Variants in VPS50 observed in about 807,000 individuals in gnomAD.
The protein encoded by VPS50 is syndetin.
A neutral mutation model predicts 139.7 loss-of-function variants in VPS50; 70 were observed. The ratio of observed to expected loss-of-function variants is 0.50; its 90% CI spans 0.41 to 0.61. The LOEUF (loss-of-function observed/expected upper bound fraction) is 0.61, where lower values mean the gene tolerates loss of function less well. Among genes scored for constraint, VPS50 ranks in the 20% least tolerant of loss-of-function variants. The pLI, the probability that VPS50 is intolerant of heterozygous loss-of-function variation, is 0.00. For missense variants in VPS50, 921 were observed against 1,133.7 expected (o/e 0.81, Z 2.69); for synonymous variants, 365 against 376.7 (o/e 0.97, Z 0.36).
intron 22 of VPS50, among the ~76,000 whole-genome samples, chr7:93,339,635 C>T (rs1584485262): frequency 6.6e-6 from 1 of 152,130 alleles, no homozygotes; most frequent in East Asian, 1.9e-4. Context: ...TCTGCCTACT[C>T]ATATGTTCTC....
Position 93,359,686 on chromosome 7 carries a change from G to C in VPS50, c.*1250G>C, listed in dbSNP as rs1798795323. On this transcript the variant is annotated 3_prime_UTR_variant, in exon 28 of 28. Transcript: ENST00000305866. Reference sequence around the variant, plus strand: ...ATCCTAAGGAATCATGTGAGAAACAGGCCTTGGGTCTTATGAGTCTTCTGG... The same window carrying C: ...ATCCTAAGGAATCATGTGAGAAACACGCCTTGGGTCTTATGAGTCTTCTGG... 2 of 152,126 alleles carry C rather than the reference G, an allele frequency of 1.3e-5. No homozygotes were observed. Among genetic ancestry groups the C allele is most frequent in the Admixed American group, 6.6e-5 (1 of 15,244 alleles). The allele number at this position is 152,126 out of a possible 1,614,324, so 9.4% of individuals were successfully genotyped here.
chr7:93,260,857 G>T (rs1318442502), intron 9 of VPS50, among the ~76,000 whole-genome samples: 1 of 152,016 alleles, frequency 6.6e-6, no homozygotes, highest in Admixed American at 6.6e-5. Flanking sequence ...CACCATGCGC[G>T]GCTAATTTTT....
rs769084619 is a variant in VPS50 at position 93,257,445 on chromosome 7, A to T, written c.403A>T (p.Ile135Phe). 1.2e-6 allele frequency: 2 copies of T among 1,600,306 alleles called. No homozygotes were observed. Among genetic ancestry groups the T allele is most frequent in the Admixed American group, 1.7e-5 (1 of 59,752 alleles). The part of the protein sequence containing the change: ...LQTGLQLAAV[I>F]CTNGRRHLNI... ...GACAGGTCTTCAATTAGCTGCTGTT[A>T]TCTGTACAAATGGGAGAAGGTATTG... The change falls in exon 6 of 28, where the codon ATC becomes TTC. Residue 135 changes from isoleucine to phenylalanine, a missense_variant. Ile to Phe is a conservative substitution (Grantham distance 21). Around this residue, in one of 3 missense-constraint regions of VPS50, gnomAD observed 744 missense variants for 930.6 expected, o/e 0.80. Coordinates refer to ENST00000305866, the MANE Select transcript of VPS50 (RefSeq NM_017667.4).
chr7:93,247,067 C>T (rs1311997023), intron 2 of VPS50, among the ~76,000 whole-genome samples: 1 of 151,756 alleles, frequency 6.6e-6, no homozygotes, highest in Non-Finnish European at 1.5e-5. Context: ...TGTACATGTT[C>T]ATGTAGCTTT....
At chr7:93,303,037 C>T (rs1283253672) in intron 16 of VPS50, among the ~76,000 whole-genome samples, 1 of 151,932 alleles carries the variant, frequency 6.6e-6, no homozygotes, top group Non-Finnish European at 1.5e-5. Flanking sequence ...AGGTATGGTT[C>T]AGACCTGTGC....
intron 12 of VPS50, among the ~76,000 whole-genome samples, chr7:93,286,366 A>G (rs1163233488): frequency 6.6e-6 from 1 of 152,186 alleles, no homozygotes; most frequent in Non-Finnish European, 1.5e-5. Context: ...GTATTATGCC[A>G]AATGAGTCTC....
intron 12 of VPS50, among the ~76,000 whole-genome samples, chr7:93,279,657 G>T (rs2116904916): frequency 6.6e-6 from 1 of 152,332 alleles, no homozygotes; most frequent in South Asian, 2.1e-4. Context: ...AAGCAGGAGA[G>T]TCCTCAAAAC....
chr7:93,277,681 T>C (rs1419637239), intron 12 of VPS50, among the ~76,000 whole-genome samples: 3 of 152,198 alleles, frequency 2.0e-5, no homozygotes, highest in East Asian at 1.9e-4. Context: ...TTAAACTAAT[T>C]GTAGAAACCA....
chr7:93,276,308 A>G lies in VPS50; in HGVS notation c.942+3A>G, dbSNP rs1224948881. ...TGCAATATAAGGATCTCTGTACAGT[A>G]TGTAGTGACTTAATTACTATTCATA... On this transcript the variant is annotated splice_donor_region_variant and intron_variant, in intron 12 of 27. Coordinates refer to ENST00000305866, the MANE Select transcript of VPS50 (RefSeq NM_017667.4). 1 of 1,609,860 alleles carries G rather than the reference A, an allele frequency of 6.2e-7. No homozygotes were observed. Among genetic ancestry groups the G allele is most frequent in the Non-Finnish European group, 8.5e-7 (1 of 1,176,982 alleles).
chr7:93,291,689 A>T lies in VPS50; in HGVS notation c.943-14A>T, dbSNP rs746447797. Reference sequence around the variant, plus strand: ...CATAATAATTTGAAAGTTGTCTCTTATCATTTTCTTTAGCATGTTACACCA... The same window carrying T: ...CATAATAATTTGAAAGTTGTCTCTTTTCATTTTCTTTAGCATGTTACACCA... On this transcript the variant is annotated splice_polypyrimidine_tract_variant and intron_variant, in intron 12 of 27. Transcript: ENST00000305866. 1.1e-5 allele frequency: 16 copies of T among 1,444,060 alleles called. No homozygotes were observed. Among genetic ancestry groups the T allele is most frequent in the East Asian group, 2.4e-5 (1 of 41,978 alleles). The allele number at this position is 1,444,060 out of a possible 1,614,324, so 89.5% of individuals were successfully genotyped here.
intron 17 of VPS50, among the ~76,000 whole-genome samples, chr7:93,304,253 T>C (rs1393767281): frequency 6.6e-6 from 1 of 151,822 alleles, no homozygotes; most frequent in Non-Finnish European, 1.5e-5. Flanking sequence ...ATGGTGTGTT[T>C]AGTTTCTGCC....
At chr7:93,357,195 G>C (rs142689100) in intron 27 of VPS50, among the ~76,000 whole-genome samples, 1 of 152,112 alleles carries the variant, frequency 6.6e-6, no homozygotes, top group African/African-American at 2.4e-5. Context: ...CTGAGGAAAG[G>C]GTTTTGGGAA....
At chr7:93,311,515 AAT>A (rs1460156279) in intron 20 of VPS50, among the ~76,000 whole-genome samples, 1 of 152,134 alleles carries the variant, frequency 6.6e-6, no homozygotes, top group Non-Finnish European at 1.5e-5. Flanking sequence ...ATTTTTCTAA[AAT>A]ATTTCAGTTA....
At chr7:93,305,197 G>T (rs1166467638) in intron 17 of VPS50, among the ~76,000 whole-genome samples, 1 of 151,806 alleles carries the variant, frequency 6.6e-6, no homozygotes, top group Non-Finnish European at 1.5e-5. Context: ...AATCCCTTCA[G>T]ACTGCCTCAG....
chr7:93,316,646 G>A (rs1290742019), intron 20 of VPS50, among the ~76,000 whole-genome samples: 1 of 152,176 alleles, frequency 6.6e-6, no homozygotes, highest in Non-Finnish European at 1.5e-5. Flanking sequence ...AAAAAGGGAA[G>A]ATGAGAGGAA....
rs1285083261 is a variant in VPS50, at chr7:93,341,448, G to T, written c.2080G>T (p.Ala694Ser). ...IDLEVSADPTATLTAAEERKE... is the reference protein window; with the variant it reads ...IDLEVSADPTSTLTAAEERKE... ...TCAGGAAGTTTCAGCTGATCCTACTGCCACACTCACAGCAGCAGAAGAAAG... is the reference window on the plus strand; with the variant it reads ...TCAGGAAGTTTCAGCTGATCCTACTTCCACACTCACAGCAGCAGAAGAAAG... The change falls in exon 23 of 28, where the codon GCC (alanine) becomes TCC (serine). Residue 694 changes from alanine to serine, a missense_variant. Ala to Ser is a moderately conservative substitution (Grantham distance 99). Around this residue, in one of 3 missense-constraint regions of VPS50, gnomAD observed 744 missense variants for 930.6 expected, o/e 0.80. Coordinates refer to ENST00000305866, the MANE Select transcript of VPS50 (RefSeq NM_017667.4). The T allele has an allele frequency of 1.2e-6, 2 of 1,611,054 alleles. No homozygotes were observed. The highest frequency in any genetic ancestry group is 1.7e-6 in the Non-Finnish European group (2 of 1,178,996).
intron 1 of VPS50, among the ~76,000 whole-genome samples, chr7:93,233,068 A>G (rs540211593): frequency 6.6e-6 from 1 of 152,344 alleles, no homozygotes; most frequent in South Asian, 2.1e-4. Context: ...ACTCTTTGTG[A>G]AATTCTGCTT....
intron 9 of VPS50, among the ~76,000 whole-genome samples, chr7:93,260,851 A>G (rs1367517356): frequency 1.3e-5 from 2 of 152,164 alleles, no homozygotes; most frequent in Admixed American, 1.3e-4. Flanking sequence ...GCACGCCACC[A>G]TGCGCGGCTA....
At chr7:93,342,667 A>G (rs902960541) in intron 23 of VPS50, among the ~76,000 whole-genome samples, 1 of 152,192 alleles carries the variant, frequency 6.6e-6, no homozygotes, top group Non-Finnish European at 1.5e-5. Flanking sequence ...GTCCCTGACC[A>G]CTGACCCCTG....
Sources: allele counts gnomAD v4.1 joint callset (sites outside exome capture counted in the v4.1 genomes callset), GRCh38; gene constraint gnomAD v4.1.1; regional missense constraint gnomAD v4.1.1; transcripts MANE v1.5; gene names NCBI Gene and HGNC (gene_info 2026-07-23, HGNC 2026-07-21).